PIEZO1: variants seen among roughly 807,000 people sequenced by gnomAD.
The protein encoded by PIEZO1 is piezo-type mechanosensitive ion channel component 1.
In PIEZO1, 296 loss-of-function variants were observed where a neutral mutation model predicts 297.2. The ratio of observed to expected loss-of-function variants is 1.00; its 90% CI spans 0.91 to 1.10. PIEZO1 has a LOEUF of 1.10. Among genes scored for constraint, PIEZO1 ranks in the 50% least tolerant of loss-of-function variants. The pLI is 0.00. For synonymous variants in PIEZO1, 2,427 were observed against 1,507.5 expected, an observed-to-expected ratio of 1.61 and a Z score of -14.13; for missense variants, 5,018 against 3,455.5, an observed-to-expected ratio of 1.45 and a Z score of -11.34.
chr16:88,735,304 C>T (rs567582243), intron 12 of PIEZO1, 58 bp from the exon 13 acceptor site: 122 of 1,258,480 alleles, frequency 9.7e-5, no homozygotes, highest in Non-Finnish European at 1.2e-4. Flanking sequence ...CTCCCACAGC[C>T]GGGGGACCCA....
chr16:88,716,760 G>T, intron 46 of PIEZO1, 29 bp from the exon 47 acceptor site: 1 of 1,548,636 alleles, frequency 6.5e-7, no homozygotes, highest in East Asian at 2.4e-5. Flanking sequence ...CTCAGTGACT[G>T]CAGCCGCCTC....
chr16:88,751,498 G>C (rs561642675), intron 1 of PIEZO1, among the ~76,000 whole-genome samples: 1 of 152,208 alleles, frequency 6.6e-6, no homozygotes, highest in Non-Finnish European at 1.5e-5. Flanking sequence ...CACACATCGC[G>C]GAGTGCCGGG....
At chr16:88,737,512 G>GGGGGGGGCC in intron 10 of PIEZO1, 47 bp downstream of exon 10, 1 of 1,338,136 alleles carries the variant, frequency 7.5e-7, no homozygotes, top group East Asian at 2.8e-5. Flanking sequence ...ACCGGCCTCC[G>GGGGGGGGCC]CCCCGCCCCC....
At chr16:88,735,292 C>T (rs745939015) in intron 12 of PIEZO1, 46 bp from the exon 13 acceptor site, 6 of 1,366,632 alleles carry the variant, frequency 4.4e-6, no homozygotes, top group Non-Finnish European at 2.0e-6. Flanking sequence ...GGCCCAGCAC[C>T]CCTCCCACAG....
chr16:88,776,366 A>G (rs1907663494), intron 1 of PIEZO1, among the ~76,000 whole-genome samples: 2 of 152,204 alleles, frequency 1.3e-5, no homozygotes, highest in South Asian at 2.1e-4. Flanking sequence ...CCTGGGAGGC[A>G]GAGCTTGCAG....
In PIEZO1 at chr16:88,720,246, G is replaced by C. The variant is rs1389229208; in HGVS notation, c.5987C>G (p.Ser1996Ter). 4 of 1,550,422 alleles carry C rather than the reference G, an allele frequency of 2.6e-6. No homozygotes were observed. The highest frequency in any genetic ancestry group is 1.4e-5 in the African/African-American group (1 of 73,052). Residue 1996 changes from serine (S) to a stop codon, truncating the protein, a stop_gained, in exon 42 of 51, where the codon TCA (serine) becomes TGA (stop). Transcript: ENST00000301015. LOFTEE classifies it high-confidence loss of function. ...GAAAGCCTCGGGTACCTGGTCGTCTGATAGGGAGGACGTGATGTCTGTGGC... is the reference window on the plus strand; with the variant it reads ...GAAAGCCTCGGGTACCTGGTCGTCTCATAGGGAGGACGTGATGTCTGTGGC... ...SAATDITSSL[S>*]DDQVPEAFLV... is the part of the protein sequence containing the mutation.
chr16:88,743,689 G>T (rs752288570), intron 2 of PIEZO1: 6 of 456,134 alleles, frequency 1.3e-5, no homozygotes, highest in African/African-American at 1.2e-4. Flanking sequence ...CCACGTCCAA[G>T]TCACCCTGCA....
intron 16 of PIEZO1, 102 bp downstream of exon 16, chr16:88,734,254 T>C: frequency 8.0e-7 from 1 of 1,252,386 alleles, no homozygotes; most frequent in Non-Finnish European, 1.1e-6. Context: ...CCTTGGGATC[T>C]GAAGGTGGAA....
rs1179170399 is a variant in PIEZO1, at chr16:88,726,395, A to G, written c.3857T>C (p.Ile1286Thr). 4 of 1,550,496 alleles carry G rather than the reference A, an allele frequency of 2.6e-6. No homozygotes were observed. Among genetic ancestry groups the G allele is most frequent in the South Asian group, 2.4e-5 (2 of 84,064 alleles). The part of the protein sequence containing the change: ...CLLPVEEAGI[I>T]WDSVCFFFLL... ...GAAGAAGAAGCAGACGCTGTCCCAG[A>G]TGATGCCAGCCTCCTCCACAGGCAG... is the stretch of plus-strand genomic sequence containing the variant. Residue 1286 changes from isoleucine (I) to threonine (T), a missense_variant, in exon 27 of 51, where the codon ATC (isoleucine) becomes ACC (threonine). Physicochemically the swap from Ile to Thr is moderately conservative, Grantham distance 89. Coordinates refer to ENST00000301015, the MANE Select transcript of PIEZO1 (RefSeq NM_001142864.4).
rs565758245 is a variant in PIEZO1 at position 88,781,783 on chromosome 16, C to T, written c.64+3118G>A. Among the ~76,000 whole-genome samples, 11 of 152,378 alleles carry T rather than the reference C, an allele frequency of 7.2e-5. No individual in the cohort carries two copies. In the South Asian group the frequency reaches 1.0e-3, roughly 14 times the overall value. Reference sequence around the variant, plus strand: ...GAGTGCCTGCTGTTCCCCAGCTTCTCGGCCGCCTCCCAGGAGTGGTGAGAC... The same window carrying T: ...GAGTGCCTGCTGTTCCCCAGCTTCTTGGCCGCCTCCCAGGAGTGGTGAGAC... On this transcript the variant is annotated intron_variant, in intron 1 of 50. Coordinates refer to ENST00000301015, the MANE Select transcript of PIEZO1 (RefSeq NM_001142864.4).
rs2142770965 is a variant in PIEZO1, at chr16:88,723,003, C to T, written c.4502G>A (p.Ser1501Asn). ...GCTCAGCACCCTCTGCACCACATGG[C>T]TCCGGCCTGCGGGAGGGCGGGAGGG... The part of the protein sequence containing the change: ...EGPEEAAAGR[S>N]HVVQRVLSTA... The change falls in exon 34 of 51, where the codon AGC becomes AAC. Residue 1501 changes from serine (S) to asparagine (N), a missense_variant. Physicochemically the swap from Ser to Asn is conservative, Grantham distance 46. Coordinates refer to ENST00000301015, the MANE Select transcript of PIEZO1 (RefSeq NM_001142864.4). The T allele has an allele frequency of 1.3e-6, 2 of 1,546,484 alleles. No homozygotes were observed. The highest frequency in any genetic ancestry group is 4.9e-5 in the East Asian group (2 of 40,884).
intron 1 of PIEZO1, among the ~76,000 whole-genome samples, chr16:88,755,006 G>A (rs546710292): frequency 1.2e-3 from 182 of 152,360 alleles, no homozygotes; most frequent in Middle Eastern, 3.4e-3. Context: ...CCAGGGAGAG[G>A]AGAGGCCTAA....
Position 88,742,114 on chromosome 16 carries a change from G to A in PIEZO1, c.284-19C>T, listed in dbSNP as rs780397890. On this transcript the variant is annotated intron_variant, in intron 3 of 50. Coordinates refer to ENST00000301015, the MANE Select transcript of PIEZO1 (RefSeq NM_001142864.4). ...CGGCTGCCTGCAGAGAAAGACGGGG[G>A]AACCCAGGTCAGGCTCTGCCCAGCC... 5.2e-6 allele frequency: 8 copies of A among 1,535,654 alleles called. No homozygotes were observed. The highest frequency in any genetic ancestry group is 2.0e-5 in the Admixed American group (1 of 50,968).
Position 88,741,547 on chromosome 16 carries a change from G to A in PIEZO1, c.396C>T (p.Ser132=). 2.6e-6 allele frequency: 4 copies of A among 1,535,834 alleles called. No homozygotes were observed. The highest frequency in any genetic ancestry group is 3.5e-6 in the Non-Finnish European group (4 of 1,146,812). The change falls in exon 5 of 51, where the codon TCC becomes TCT. Residue 132 remains serine, a synonymous_variant. Coordinates refer to ENST00000301015, the MANE Select transcript of PIEZO1 (RefSeq NM_001142864.4). ...VAPDLGILVV[S]SVCLGICGRL... ...GCCCGCAGATGCCGAGGCAGACAGA[G>A]GAGACCACCAAGATGCCCAGGTCAG...
chr16:88,766,446 G>A (rs1164769516), intron 1 of PIEZO1, among the ~76,000 whole-genome samples: 2 of 152,232 alleles, frequency 1.3e-5, no homozygotes, highest in African/African-American at 2.4e-5. Flanking sequence ...CAGGTAGAGA[G>A]ACATATCAAT....
intron 2 of PIEZO1, chr16:88,745,884 C>T (rs776393008): frequency 6.6e-6 from 1 of 152,272 alleles, no homozygotes; most frequent in African/African-American, 2.4e-5. Flanking sequence ...CCCCCAGAGC[C>T]GGAGCCCTTG....
At position 88,720,196 on chromosome 16, in the gene PIEZO1, T is replaced by C. The variant is rs1567660014; in HGVS notation, c.6037A>G (p.Ser2013Gly). 2 of 1,550,532 alleles carry C rather than the reference T, an allele frequency of 1.3e-6. No homozygotes were observed. Among genetic ancestry groups the C allele is most frequent in the South Asian group, 1.2e-5 (1 of 84,064 alleles). The change falls in exon 42 of 51, where the codon AGT becomes GGT. Residue 2013 changes from serine to glycine, a missense_variant. Physicochemically the swap from Ser to Gly is moderately conservative, Grantham distance 56. Transcript: ENST00000301015. ...AFLVMLLIQF[S>G]TMVVDRALYL... ...AGGGCGCGGTCAACCACCATGGTAC[T>C]GAACTGGATCAGCAGCATGACCAGG...
chr16:88,736,803 G>A (rs1279859861), intron 10 of PIEZO1, 64 bp from the exon 11 acceptor site: 22 of 1,073,618 alleles, frequency 2.0e-5, no homozygotes, highest in Non-Finnish European at 2.8e-5. Flanking sequence ...CCCTGACTAT[G>A]CCCTAAAATC....
Position 88,726,607 on chromosome 16 carries a change from C to G in PIEZO1, c.3736G>C (p.Gly1246Arg). The change falls in exon 26 of 51, where the codon GGC becomes CGC. Residue 1246 changes from glycine (G) to arginine (R), a missense_variant. Physicochemically the swap from Gly to Arg is moderately radical, Grantham distance 125. Transcript: ENST00000301015. ...AAGAGCTGGATGACCCAGCAGAAGC[C>G]GGTCTGCATCTGCTCCACGAAGACG... ...ACVFVEQMQT[G>R]FCWVIQLFSL... The G allele has an allele frequency of 6.8e-7, 1 of 1,478,158 alleles. No homozygotes were observed. Among genetic ancestry groups the G allele is most frequent in the Non-Finnish European group, 9.1e-7 (1 of 1,104,298 alleles). 91.6% of individuals were successfully genotyped at this position (1,478,158 alleles called of 1,614,324 possible). A position where few individuals can be genotyped will look rare whatever the true frequency, so the allele number is the denominator to read the frequency against.
Sources: gnomAD v4.1 joint callset for allele counts (sites outside exome capture counted in the v4.1 genomes callset) on GRCh38, gnomAD v4.1.1 for gene constraint, MANE v1.5 for transcripts, NCBI Gene and HGNC (gene_info 2026-07-23, HGNC 2026-07-21) for gene names.